The following NTRK3 variants were observed in gnomAD, a reference collection of about 807,000 sequenced individuals.
The protein encoded by NTRK3 is NT-3 growth factor receptor.
Under a neutral mutation model 91.7 loss-of-function variants are expected in NTRK3, and 24 were observed. The observed-to-expected ratio is 0.26, with a 90% CI of 0.19 to 0.37. The LOEUF (loss-of-function observed/expected upper bound fraction) is 0.37, where lower values mean the gene tolerates loss of function less well. Among genes scored for constraint, NTRK3 ranks in the 10% least tolerant of loss-of-function variants. The probability of loss-of-function intolerance (pLI) is 1.00; values close to 1 mark genes in which losing one functional copy is unlikely to be tolerated. For synonymous variants in NTRK3, 483 were observed against 404.0 expected, an observed-to-expected ratio of 1.20 and a Z score of -2.34; for missense variants, 880 against 1,068.9, an observed-to-expected ratio of 0.82 and a Z score of 2.46.
chr15:87,986,612 T>TC (rs2074818362), intron 14 of NTRK3, among the ~76,000 whole-genome samples: 1 of 152,254 alleles, frequency 6.6e-6, no homozygotes, highest in South Asian at 2.1e-4. Flanking sequence ...TACATGTAGC[T>TC]CCCGTTCATT....
chr15:88,002,177 T>TG (rs1198278500), intron 14 of NTRK3, among the ~76,000 whole-genome samples: 1 of 146,148 alleles, frequency 6.8e-6, no homozygotes, highest in African/African-American at 2.5e-5. Flanking sequence ...TGTTTTTTTT[T>TG]TTTTTTTTTT....
chr15:87,895,989 C>T (rs942572679), intron 17 of NTRK3, among the ~76,000 whole-genome samples: 12 of 152,048 alleles, frequency 7.9e-5, no homozygotes, highest in Non-Finnish European at 1.3e-4. Context: ...CCCACGTTGA[C>T]TTGTCCTGCC....
At chr15:87,940,779 G>A (rs375487343) in intron 14 of NTRK3, 26 bp from the exon 15 acceptor site, 4 of 1,613,908 alleles carry the variant, frequency 2.5e-6, no homozygotes, top group African/African-American at 2.7e-5. Context: ...AAAGAGGAGG[G>A]CAGCAAATCA....
At chr15:87,966,618 CACGT>C (rs1409163912) in intron 14 of NTRK3, among the ~76,000 whole-genome samples, 3 of 152,216 alleles carry the variant, frequency 2.0e-5, no homozygotes, top group Non-Finnish European at 2.9e-5. Context: ...CTTAGCAGTA[CACGT>C]ACCTGCAGCG....
chr15:88,248,979 C>A (rs1403733408), intron 3 of NTRK3, among the ~76,000 whole-genome samples: 1 of 152,094 alleles, frequency 6.6e-6, no homozygotes, highest in Non-Finnish European at 1.5e-5. Context: ...AATTGAGACC[C>A]AGAGGAGGAA....
exon 5 of NTRK3, chr15:88,183,455 G>C (rs1425590118): frequency 6.2e-7 from 1 of 1,614,122 alleles, no homozygotes; most frequent in Non-Finnish European, 8.5e-7. Flanking sequence ...AAGGCTCTGG[G>C]CTGAATGCTC....
chr15:88,019,449 G>A lies in NTRK3; in HGVS notation c.1585+13408C>T, dbSNP rs142802335. 3.2e-3 allele frequency among the ~76,000 whole-genome samples: 489 copies of A among 152,352 alleles called. 2 individuals are homozygous for A. The highest frequency in any genetic ancestry group is 0.011 in the African/African-American group (445 of 41,586). ...CAACCATATGCCTCAGGGAAAATGA[G>A]TTCCATTCCCAGCCCCAGGGGAGAA... On this transcript the variant is annotated intron_variant, in intron 14 of 18. Coordinates refer to ENST00000394480, the Ensembl canonical transcript of NTRK3.
intron 17 of NTRK3, among the ~76,000 whole-genome samples, chr15:87,899,560 G>A (rs1385741439): frequency 6.6e-6 from 1 of 152,118 alleles, no homozygotes; most frequent in Non-Finnish European, 1.5e-5. Flanking sequence ...CTAGCTGGAG[G>A]GAGACCCGAG....
chr15:88,200,419 G>C (rs79674484), intron 3 of NTRK3, among the ~76,000 whole-genome samples: 1,966 of 152,256 alleles, frequency 0.013, 16 homozygotes, highest in Non-Finnish European at 0.022. Flanking sequence ...CACTGATATG[G>C]TTTGGCTGTG....
chr15:88,250,210 G>A (rs2053213266), intron 3 of NTRK3, among the ~76,000 whole-genome samples: 1 of 152,176 alleles, frequency 6.6e-6, no homozygotes, highest in African/African-American at 2.4e-5. Flanking sequence ...CAGAGCCAAG[G>A]GGACCCACAA....
intron 13 of NTRK3, among the ~76,000 whole-genome samples, chr15:88,055,447 C>A (rs917410599): frequency 1.3e-5 from 2 of 152,142 alleles, no homozygotes; most frequent in Non-Finnish European, 2.9e-5. Context: ...TAACATATTT[C>A]CTGGAAATAT....
intron 3 of NTRK3, among the ~76,000 whole-genome samples, chr15:88,251,293 C>T (rs367948899): frequency 1.3e-5 from 2 of 152,208 alleles, no homozygotes; most frequent in Non-Finnish European, 2.9e-5. Context: ...TTAAAAGTGG[C>T]GTGGCCGAGC....
At chr15:87,887,881 T>C (rs1402453227) in intron 17 of NTRK3, among the ~76,000 whole-genome samples, 1 of 152,148 alleles carries the variant, frequency 6.6e-6, no homozygotes, top group Non-Finnish European at 1.5e-5. Flanking sequence ...CATCCCCAAG[T>C]CACAGATGAA....
At chr15:87,870,314 T>C (rs2064793830) in exon 19 of NTRK3, 1 of 191,432 alleles carries the variant, frequency 5.2e-6, no homozygotes, top group African/African-American at 2.3e-5. Context: ...ACCACTATTC[T>C]AAGTGAAGCA....
chr15:88,112,890 C>T (rs534608009), intron 13 of NTRK3, among the ~76,000 whole-genome samples: 11 of 152,264 alleles, frequency 7.2e-5, no homozygotes, highest in African/African-American at 1.4e-4. Flanking sequence ...TCGAGGCATC[C>T]GGGAGGTACA....
intron 17 of NTRK3, among the ~76,000 whole-genome samples, chr15:87,892,295 C>A (rs1195801530): frequency 6.6e-6 from 1 of 152,084 alleles, no homozygotes; most frequent in African/African-American, 2.4e-5. Context: ...CAATTATTTT[C>A]AAACGACTGG....
chr15:88,058,197 G>C (rs2045897347), intron 13 of NTRK3, among the ~76,000 whole-genome samples: 1 of 152,136 alleles, frequency 6.6e-6, no homozygotes, highest in Non-Finnish European at 1.5e-5. Flanking sequence ...TGGCCAAAGG[G>C]GAAAGAGTCC....
chr15:88,114,228 GTC>G (rs1245714432), intron 13 of NTRK3, among the ~76,000 whole-genome samples: 2 of 152,108 alleles, frequency 1.3e-5, no homozygotes, highest in African/African-American at 4.8e-5. Context: ...GTCCTCATGG[GTC>G]TCACATCTGC....
At chr15:87,864,839 C>T (rs994399683) in exon 19 of NTRK3, 2 of 228,922 alleles carry the variant, frequency 8.7e-6, no homozygotes, top group Non-Finnish European at 1.7e-5. Context: ...ATGCAACTGC[C>T]CAGAGAGTGG....
Sources: gnomAD v4.1 joint callset for allele counts (sites outside exome capture counted in the v4.1 genomes callset) on GRCh38, gnomAD v4.1.1 for gene constraint, MANE v1.5 for transcripts, NCBI Gene and HGNC (gene_info 2026-07-23, HGNC 2026-07-21) for gene names.